COP1: variants seen among roughly 807,000 people sequenced by gnomAD.
The protein encoded by COP1 is E3 ubiquitin-protein ligase COP1.
COP1 carries 24 observed loss-of-function variants against 101.3 expected under a neutral mutation model. That is an observed-to-expected ratio of 0.24 (90% CI 0.17 to 0.33). The LOEUF is 0.33. Among genes scored for constraint, COP1 ranks in the 10% least tolerant of loss-of-function variants. COP1 has a pLI of 1.00. For synonymous variants in COP1, 347 were observed against 341.9 expected (o/e 1.01, Z -0.17); for missense variants, 663 against 906.2 (o/e 0.73, Z 3.45).
intron 1 of COP1, among the ~76,000 whole-genome samples, chr1:176,198,437 CCAAA>C (rs953430755): frequency 7.9e-5 from 12 of 152,050 alleles, no homozygotes; most frequent in East Asian, 3.8e-4. Context: ...TCAACCCTTA[CCAAA>C]CACAGTGTAT....
At chr1:176,174,457 A>G (rs1430103503) in intron 3 of COP1, among the ~76,000 whole-genome samples, 3 of 152,190 alleles carry the variant, frequency 2.0e-5, no homozygotes, top group African/African-American at 7.2e-5. Context: ...CAAGTTTGCC[A>G]TAAAACTTTA....
intron 6 of COP1, among the ~76,000 whole-genome samples, chr1:176,137,989 G>A (rs1208928002): frequency 1.3e-5 from 2 of 152,020 alleles, no homozygotes; most frequent in Admixed American, 1.3e-4. Context: ...TTATGATGAT[G>A]GTATACAACG....
At chr1:176,057,918 T>C (rs1235204693) in intron 11 of COP1, among the ~76,000 whole-genome samples, 1 of 149,170 alleles carries the variant, frequency 6.7e-6, no homozygotes, top group Non-Finnish European at 1.5e-5. Flanking sequence ...GCCCATCCTC[T>C]GAGATGTGGG....
At chr1:176,133,163 C>T (rs1023449152) in intron 8 of COP1, among the ~76,000 whole-genome samples, 3 of 119,502 alleles carry the variant, frequency 2.5e-5, no homozygotes, top group Non-Finnish European at 4.0e-5. Flanking sequence ...CATATATATA[C>T]GTATGTACAC....
chr1:175,981,283 T>C (rs1461801519), intron 18 of COP1, among the ~76,000 whole-genome samples: 1 of 152,176 alleles, frequency 6.6e-6, no homozygotes, highest in Non-Finnish European at 1.5e-5. Context: ...CTTCCCACAC[T>C]ATCTGGTTTC....
At chr1:176,101,628 GC>G (rs1683415682) in intron 9 of COP1, among the ~76,000 whole-genome samples, 1 of 152,180 alleles carries the variant, frequency 6.6e-6, no homozygotes, top group Admixed American at 6.5e-5. Context: ...TACTAGTCGG[GC>G]TTCTGCCCCC....
intron 10 of COP1, among the ~76,000 whole-genome samples, chr1:176,083,326 A>C (rs1437170633): frequency 6.6e-6 from 1 of 152,198 alleles, no homozygotes; most frequent in Non-Finnish European, 1.5e-5. Context: ...TTCTGTTCTA[A>C]GCTAATAATC....
chr1:176,088,028 C>G (rs959588786), intron 9 of COP1, among the ~76,000 whole-genome samples: 3 of 152,146 alleles, frequency 2.0e-5, no homozygotes, highest in Admixed American at 6.5e-5. Flanking sequence ...ACCATATGTT[C>G]TCACTCATAG....
intron 9 of COP1, among the ~76,000 whole-genome samples, chr1:176,098,143 C>G (rs904432943): frequency 2.6e-5 from 4 of 152,148 alleles, no homozygotes; most frequent in Non-Finnish European, 5.9e-5. Flanking sequence ...AACGATCTAA[C>G]TTGATGGCTC....
chr1:176,141,078 T>C (rs541394503), intron 6 of COP1, among the ~76,000 whole-genome samples: 1 of 152,358 alleles, frequency 6.6e-6, no homozygotes, highest in African/African-American at 2.4e-5. Flanking sequence ...AGTGCCTTGA[T>C]AAAGATATGC....
At chr1:176,101,487 A>G (rs60719126) in intron 9 of COP1, among the ~76,000 whole-genome samples, 16,421 of 151,898 alleles carry the variant, frequency 0.11, 976 homozygotes, top group Middle Eastern at 0.16. Flanking sequence ...ACTATGGGAC[A>G]CTCCCCTTGG....
intron 15 of COP1, among the ~76,000 whole-genome samples, chr1:176,008,873 T>G (rs563892508): frequency 2.0e-5 from 3 of 152,360 alleles, no homozygotes; most frequent in African/African-American, 7.2e-5. Flanking sequence ...TCCAGCTGAG[T>G]AGGAGTTGTT....
At chr1:176,007,066 C>G (rs919045040) in intron 15 of COP1, among the ~76,000 whole-genome samples, 5 of 152,106 alleles carry the variant, frequency 3.3e-5, no homozygotes, top group African/African-American at 4.8e-5. Context: ...TCTTTTTTCT[C>G]TAAACTTCCC....
intron 18 of COP1, among the ~76,000 whole-genome samples, chr1:175,963,682 C>T (rs896548179): frequency 2.0e-5 from 3 of 152,094 alleles, no homozygotes; most frequent in Non-Finnish European, 4.4e-5. Flanking sequence ...TTCCCTTTGT[C>T]TTTAGACTTC....
intron 14 of COP1, among the ~76,000 whole-genome samples, chr1:176,030,269 TC>T (rs1208661938): frequency 6.6e-6 from 1 of 152,174 alleles, no homozygotes; most frequent in East Asian, 1.9e-4. Flanking sequence ...ATGAGATGGC[TC>T]CCTGGAATTA....
chr1:176,049,471 T>A (rs527760195), intron 11 of COP1, among the ~76,000 whole-genome samples: 45 of 152,148 alleles, frequency 3.0e-4, no homozygotes, highest in Non-Finnish European at 5.3e-4. Context: ...GATCCTTTTA[T>A]ACTGTAAAAA....
chr1:175,988,155 G>A (rs900436904), intron 17 of COP1, 133 bp downstream of exon 17: 2 of 747,964 alleles, frequency 2.7e-6, no homozygotes, highest in Admixed American at 3.1e-5. Context: ...TAGTGCTGGG[G>A]CATCATGTCT....
chr1:176,011,149 T>C (rs944651289), intron 15 of COP1, among the ~76,000 whole-genome samples: 2 of 152,172 alleles, frequency 1.3e-5, no homozygotes, highest in Non-Finnish European at 2.9e-5. Context: ...GTGGCAGTAA[T>C]TCAAAACCTG....
chr1:176,141,382 T>C (rs1690650397), intron 6 of COP1, among the ~76,000 whole-genome samples: 1 of 152,070 alleles, frequency 6.6e-6, no homozygotes, highest in Non-Finnish European at 1.5e-5. Context: ...GCACCTGTAA[T>C]ACCAGCTACT....
Sources: allele counts gnomAD v4.1 joint callset (sites outside exome capture counted in the v4.1 genomes callset), GRCh38; gene constraint gnomAD v4.1.1; transcripts MANE v1.5; gene names NCBI Gene and HGNC (gene_info 2026-07-23, HGNC 2026-07-21).